The following SPRED3 variants were observed in gnomAD, a reference collection of about 807,000 sequenced individuals.
The protein encoded by SPRED3 is sprouty-related, EVH1 domain-containing protein 3.
Under a neutral mutation model 37.6 loss-of-function variants are expected in SPRED3, and 23 were observed. The ratio of observed to expected loss-of-function variants is 0.61; its 90% CI spans 0.44 to 0.87. The LOEUF is 0.87. SPRED3 is among the 40% of genes least tolerant of loss of function. The probability of loss-of-function intolerance (pLI) is 0.00; values close to 1 mark genes in which losing one functional copy is unlikely to be tolerated. For synonymous variants in SPRED3, 302 were observed against 279.6 expected, an observed-to-expected ratio of 1.08 and a Z score of -0.80; for missense variants, 584 against 618.6, an observed-to-expected ratio of 0.94 and a Z score of 0.59.
At position 38,392,305 on chromosome 19, in the gene SPRED3, C is replaced by G; in HGVS notation, c.423+17C>G. ...CCTCTGACGGTGAGTGTCCAGGATG[C>G]CTCTCTGCTGGGGGAGGGTAGGGGT... On this transcript the variant is annotated intron_variant, in intron 4 of 5. Transcript: ENST00000691638. 6.6e-7 allele frequency: 1 copy of G among 1,514,952 alleles called. No individual in the cohort carries two copies. The highest frequency in any genetic ancestry group is 8.8e-7 in the Non-Finnish European group (1 of 1,132,876). The allele number at this position is 1,514,952 out of a possible 1,614,324, so 93.8% of individuals were successfully genotyped here.
intron 4 of SPRED3, chr19:38,392,512 A>G (rs1489161372): frequency 1.0e-5 from 5 of 479,070 alleles, no homozygotes; most frequent in South Asian, 7.1e-5. Flanking sequence ...CCTTCTGTAT[A>G]CCAGGCAGTG....
At chr19:38,394,309 G>A (rs1392676867) in intron 4 of SPRED3, 9 of 1,451,736 alleles carry the variant, frequency 6.2e-6, no homozygotes, top group Admixed American at 1.8e-5. Context: ...GGTTTGGCGA[G>A]CTGATTAGAT....
chr19:38,392,107 G>A lies in SPRED3; in HGVS notation c.339G>A (p.Leu113=), dbSNP rs1304186860. Residue 113 remains leucine (L), a synonymous_variant, in exon 3 of 6, where the codon CTG becomes CTA. Transcript: ENST00000691638. The stretch of plus-strand genomic sequence containing the variant: ...GCCTGCTGGCTGCGCTGGCCGCACT[G>A]GGTCGAGGTGAGCAGCCCAGGTGAT... ...QKSLLAALAA[L]GRGSLTPSSS... 1.2e-6 allele frequency: 2 copies of A among 1,614,144 alleles called. No homozygotes were observed. Among genetic ancestry groups the A allele is most frequent in the Admixed American group, 3.3e-5 (2 of 60,018 alleles).
intron 3 of SPRED3, 43 bp from the exon 4 acceptor site, chr19:38,392,169 C>G: frequency 6.2e-7 from 1 of 1,608,262 alleles, no homozygotes. Flanking sequence ...GGAGGAGAAG[C>G]TGGGCTCAAG....
intron 2 of SPRED3, among the ~76,000 whole-genome samples, chr19:38,391,050 G>A (rs1197640691): frequency 6.6e-6 from 1 of 151,992 alleles, no homozygotes; most frequent in Non-Finnish European, 1.5e-5. Flanking sequence ...GAAAGGCTTG[G>A]GGGAAAGGTT....
rs1371031751 is a variant in SPRED3, at chr19:38,395,813, C to T, written c.901C>T (p.Arg301Cys). 2 of 1,461,426 alleles carry T rather than the reference C, an allele frequency of 1.4e-6. No individual in the cohort carries two copies. The highest frequency in any genetic ancestry group is 1.3e-5 in the South Asian group (1 of 75,556). The allele number at this position is 1,461,426 out of a possible 1,614,324, so 90.5% of individuals were successfully genotyped here. A position where few individuals can be genotyped will look rare whatever the true frequency, so the allele number is the denominator to read the frequency against. Residue 301 changes from arginine (R) to cysteine (C), a missense_variant, in exon 6 of 6, where the codon CGC (arginine) becomes TGC (cysteine). Arg to Cys is a radical substitution (Grantham distance 180, BLOSUM62 -3). Coordinates refer to ENST00000691638, the MANE Select transcript of SPRED3 (RefSeq NM_001394336.1). The surrounding 1 kb of genome is among the most constrained non-coding windows in gnomAD (Gnocchi z 5.2). Reference sequence around the variant, plus strand: ...GGAGGCAGCGCGCTGCGTGCATTGCCGCGCGCTCTTCCGTCGCAGAGCAGA... The same window carrying T: ...GGAGGCAGCGCGCTGCGTGCATTGCTGCGCGCTCTTCCGTCGCAGAGCAGA... ...AEEAARCVHC[R>C]ALFRRRADGR...
rs1970813219 is a variant in SPRED3, at chr19:38,390,394, T to A, written c.92T>A (p.Val31Glu). The A allele has an allele frequency of 2.2e-6, 3 of 1,384,198 alleles. No individual in the cohort carries two copies. Among genetic ancestry groups the A allele is most frequent in the Admixed American group, 3.1e-5 (1 of 32,710 alleles). The allele number at this position is 1,384,198 out of a possible 1,614,324, so 85.7% of individuals were successfully genotyped here. ...VGGGGLSQVS[V>E]CRVRGARPEG... The stretch of plus-strand genomic sequence containing the variant: ...GGCGGGGGCCTCAGCCAGGTGAGCG[T>A]GTGTCGGGTCCGAGGGGCCAGGCCC... Residue 31 changes from valine (V) to glutamate (E), a missense_variant, in exon 2 of 6, where the codon GTG becomes GAG. Transcript: ENST00000691638.
intron 2 of SPRED3, among the ~76,000 whole-genome samples, chr19:38,391,007 GC>G (rs1273026028): frequency 3.3e-5 from 5 of 152,088 alleles, no homozygotes; most frequent in African/African-American, 1.2e-4. Flanking sequence ...ATCAGTTTCA[GC>G]TAGGGATGTA....
intron 1 of SPRED3, chr19:38,389,985 G>A (rs879896213): frequency 7.6e-6 from 2 of 262,738 alleles, no homozygotes; most frequent in Non-Finnish European, 1.4e-5. Flanking sequence ...ATAAGCAGGA[G>A]GGGGAGGGAA....
Position 38,394,654 on chromosome 19 carries a change from C to T in SPRED3, c.435C>T (p.Asp145=). 1 of 1,597,004 alleles carries T rather than the reference C, an allele frequency of 6.3e-7. No homozygotes were observed. The highest frequency in any genetic ancestry group is 8.5e-7 in the Non-Finnish European group (1 of 1,176,026). Residue 145 remains aspartate, a synonymous_variant, in exon 5 of 6, where the codon GAC becomes GAT. Transcript: ENST00000691638. Reference sequence around the variant, plus strand: ...CCAATCTCCTCCAGTCCCACGTGGACAGCGACTCCTCCTCCAGTCACAGCC... The same window carrying T: ...CCAATCTCCTCCAGTCCCACGTGGATAGCGACTCCTCCTCCAGTCACAGCC... ...ETPCPLTSHV[D]SDSSSSHSRQ...
intron 4 of SPRED3, chr19:38,394,317 G>C (rs369600695): frequency 4.6e-5 from 67 of 1,470,158 alleles, no homozygotes; most frequent in Non-Finnish European, 5.6e-5. Context: ...GAGCTGATTA[G>C]ATCAGGAGAA....
In SPRED3 at chr19:38,396,325, C is replaced by A. The variant is rs1443794581; in HGVS notation, c.*180C>A. 1 of 403,606 alleles carries A rather than the reference C, an allele frequency of 2.5e-6. No homozygotes were observed. Among genetic ancestry groups the A allele is most frequent in the East Asian group, 4.1e-5 (1 of 24,296 alleles). The allele number at this position is 403,606 out of a possible 1,614,324, so 25.0% of individuals were successfully genotyped here. On this transcript the variant is annotated 3_prime_UTR_variant, in exon 6 of 6. Transcript: ENST00000691638. ...CAAACCTAGGACTGAGAGACCCCAG[C>A]CCCAGCTTCATTGGGGTGTCTGTCT...
chr19:38,395,679 C>T lies in SPRED3; in HGVS notation c.767C>T (p.Ala256Val). 6.7e-7 allele frequency: 1 copy of T among 1,496,124 alleles called. No individual in the cohort carries two copies. Among genetic ancestry groups the T allele is most frequent in the Non-Finnish European group, 8.8e-7 (1 of 1,134,590 alleles). The allele number at this position is 1,496,124 out of a possible 1,614,324, so 92.7% of individuals were successfully genotyped here. Residue 256 changes from alanine to valine, a missense_variant, in exon 6 of 6, where the codon GCG (alanine) becomes GTG (valine). By Grantham distance (64) the Ala-to-Val change is moderately conservative. Coordinates refer to ENST00000691638, the MANE Select transcript of SPRED3 (RefSeq NM_001394336.1). This position sits in a 1 kb window ranked among gnomAD's most constrained non-coding sequence, Gnocchi z 5.2. ...AGGGGCGCTGCCCTGGGTCCCCCAG[C>T]GGCACTACCTGCCCCTTTGACCGAG... ...ALRGAALGPPAALPAPLTEAA... is the reference protein window; with the variant it reads ...ALRGAALGPPVALPAPLTEAA...
intron 4 of SPRED3, among the ~76,000 whole-genome samples, chr19:38,392,885 A>G (rs558332482): frequency 6.6e-6 from 1 of 152,188 alleles, no homozygotes; most frequent in East Asian, 1.9e-4. Flanking sequence ...CTGCCCCCAC[A>G]CATAGCCAGA....
At position 38,391,987 on chromosome 19, in the gene SPRED3, C is replaced by G; in HGVS notation, c.219C>G (p.Asn73Lys). ...CACTGAAGCCAGGCTTGGTTTACAA[C>G]AAGGTGAATCCCATCTTTCACCACT... ...ECTLKPGLVY[N>K]KVNPIFHHWS... Residue 73 changes from asparagine to lysine, a missense_variant, in exon 3 of 6, where the codon AAC becomes AAG. Physicochemically the swap from Asn to Lys is moderately conservative, Grantham distance 94. Around this residue, in one of 7 missense-constraint regions of SPRED3, gnomAD observed 88 missense variants for 77.0 expected, o/e 1.14. Transcript: ENST00000691638. 6.2e-7 allele frequency: 1 copy of G among 1,614,156 alleles called. No individual in the cohort carries two copies. Among genetic ancestry groups the G allele is most frequent in the Non-Finnish European group, 8.5e-7 (1 of 1,180,028 alleles).
intron 5 of SPRED3, 65 bp downstream of exon 5, chr19:38,394,851 G>A (rs1198200346): frequency 1.5e-5 from 22 of 1,457,446 alleles, no homozygotes; most frequent in Non-Finnish European, 5.4e-6. Flanking sequence ...CGAAGGGAGC[G>A]GGAGCCATGG....
Position 38,395,927 on chromosome 19 carries a change from C to T in SPRED3, c.1015C>T (p.Leu339Phe). The change falls in exon 6 of 6, where the codon CTC (leucine) becomes TTC (phenylalanine). Residue 339 changes from leucine (L) to phenylalanine (F), a missense_variant. By Grantham distance (22) the Leu-to-Phe change is conservative. This residue lies in a region of SPRED3 where 67 missense variants were observed against 57.4 expected (regional missense o/e 1.17). Transcript: ENST00000691638. This position sits in a 1 kb window ranked among gnomAD's most constrained non-coding sequence, Gnocchi z 5.2. ...LSCLWCAESL[L>F]YHCLSDAEGD... Reference sequence around the variant, plus strand: ...CTGCCTGTGGTGCGCCGAGAGCTTGCTCTACCACTGCCTGTCGGACGCCGA... The same window carrying T: ...CTGCCTGTGGTGCGCCGAGAGCTTGTTCTACCACTGCCTGTCGGACGCCGA... 2.0e-6 allele frequency: 3 copies of T among 1,510,244 alleles called. No homozygotes were observed. Among genetic ancestry groups the T allele is most frequent in the Non-Finnish European group, 2.6e-6 (3 of 1,138,442 alleles). The allele number at this position is 1,510,244 out of a possible 1,614,324, so 93.6% of individuals were successfully genotyped here.
chr19:38,393,576 T>C (rs1272792559), intron 4 of SPRED3, among the ~76,000 whole-genome samples: 2 of 152,126 alleles, frequency 1.3e-5, no homozygotes, highest in African/African-American at 4.8e-5. Flanking sequence ...GACCTTGTGA[T>C]CTGCCCGCTT....
chr19:38,394,343 A>G (rs764732698), intron 4 of SPRED3: 6 of 1,535,958 alleles, frequency 3.9e-6, no homozygotes, highest in Non-Finnish European at 5.3e-6. Flanking sequence ...CCACAAAAAT[A>G]ACAATAACCA....
Sources: allele counts gnomAD v4.1 joint callset (sites outside exome capture counted in the v4.1 genomes callset), GRCh38; gene constraint gnomAD v4.1.1; regional missense constraint gnomAD v4.1.1; non-coding constraint Gnocchi (gnomAD v3.1); transcripts MANE v1.5; gene names NCBI Gene and HGNC (gene_info 2026-07-23, HGNC 2026-07-21).